Variants in CDC14A observed in about 807,000 individuals in gnomAD.
The protein encoded by CDC14A is dual specificity protein phosphatase CDC14A.
Under a neutral mutation model 74.4 loss-of-function variants are expected in CDC14A, and 53 were observed. The ratio of observed to expected loss-of-function variants is 0.71; its 90% CI spans 0.57 to 0.89. The LOEUF (loss-of-function observed/expected upper bound fraction) is 0.89, where lower values mean the gene tolerates loss of function less well. Ranked by LOEUF, CDC14A falls within the 40% of genes least tolerant of loss-of-function variation. The probability of loss-of-function intolerance (pLI) is 0.00; values close to 1 mark genes in which losing one functional copy is unlikely to be tolerated. For synonymous variants in CDC14A, 247 were observed against 258.4 expected, an observed-to-expected ratio of 0.96 and a Z score of 0.43; for missense variants, 646 against 713.7, an observed-to-expected ratio of 0.91 and a Z score of 1.08.
At chr1:100,456,084 A>G (rs1038916406) in intron 8 of CDC14A, among the ~76,000 whole-genome samples, 2 of 152,230 alleles carry the variant, frequency 1.3e-5, no homozygotes, top group African/African-American at 4.8e-5. Flanking sequence ...ACTCCAAACC[A>G]GAGGAGGGCT....
At chr1:100,387,265 G>A (rs956511929) in intron 3 of CDC14A, among the ~76,000 whole-genome samples, 34 of 152,116 alleles carry the variant, frequency 2.2e-4, no homozygotes, top group African/African-American at 8.0e-4. Context: ...TAGGAAATTA[G>A]GACAAGGTCT....
intron 4 of CDC14A, among the ~76,000 whole-genome samples, chr1:100,398,191 C>T (rs976110008): frequency 3.3e-5 from 5 of 152,112 alleles, no homozygotes; most frequent in African/African-American, 7.2e-5. Flanking sequence ...CAGTGTCTGA[C>T]GTTGTATGCA....
At chr1:100,516,695 G>A (rs558783959) in intron 15 of CDC14A, among the ~76,000 whole-genome samples, 10 of 152,164 alleles carry the variant, frequency 6.6e-5, no homozygotes, top group African/African-American at 2.4e-4. Flanking sequence ...CTCTAATTGC[G>A]AGTGTGGTAG....
At chr1:100,388,550 A>AG (rs1246352065) in intron 3 of CDC14A, among the ~76,000 whole-genome samples, 2 of 152,196 alleles carry the variant, frequency 1.3e-5, no homozygotes, top group East Asian at 3.8e-4. Flanking sequence ...TCAGGAAATA[A>AG]GGGCATTGGC....
At chr1:100,456,126 G>T (rs1203099870) in intron 8 of CDC14A, among the ~76,000 whole-genome samples, 1 of 152,168 alleles carries the variant, frequency 6.6e-6, no homozygotes, top group African/African-American at 2.4e-5. Context: ...GATACACTTA[G>T]TTCCATTGTG....
chr1:100,405,648 T>C (rs1479459201), intron 4 of CDC14A, among the ~76,000 whole-genome samples: 1 of 152,248 alleles, frequency 6.6e-6, no homozygotes, highest in African/African-American at 2.4e-5. Flanking sequence ...TTTGCTCCTG[T>C]GTTACTTTGC....
chr1:100,403,070 A>T (rs946274003), intron 4 of CDC14A, among the ~76,000 whole-genome samples: 2 of 152,140 alleles, frequency 1.3e-5, no homozygotes, highest in East Asian at 3.9e-4. Flanking sequence ...GCAAGGAGTG[A>T]TAGGGGGATA....
In CDC14A at chr1:100,484,351, C is replaced by A; in HGVS notation, c.1037C>A (p.Pro346Gln). 2 of 1,604,736 alleles carry A rather than the reference C, an allele frequency of 1.2e-6. No individual in the cohort carries two copies. The highest frequency in any genetic ancestry group is 1.7e-6 in the Non-Finnish European group (2 of 1,175,596). The change falls in exon 11 of 16, where the codon CCA becomes CAA. Residue 346 changes from proline (P) to glutamine (Q), a missense_variant. Pro to Gln is a moderately conservative substitution (Grantham distance 76, BLOSUM62 -1). Transcript: ENST00000336454. ...TTCCGATCCAAACTGAAAAATCGAC[C>A]ATCCAGTGAAGGAAGTATTAATAAA... ...DIFRSKLKNR[P>Q]SSEGSINKIL...
At chr1:100,372,413 A>G (rs1654607049) in intron 2 of CDC14A, among the ~76,000 whole-genome samples, 4 of 152,248 alleles carry the variant, frequency 2.6e-5, no homozygotes, top group Admixed American at 2.6e-4. Flanking sequence ...TAATCCTCTC[A>G]AACCCTGGGG....
At chr1:100,497,878 G>T (rs947272520) in intron 13 of CDC14A, among the ~76,000 whole-genome samples, 8 of 152,054 alleles carry the variant, frequency 5.3e-5, no homozygotes, top group African/African-American at 1.9e-4. Flanking sequence ...TTGTTGTAAG[G>T]ACAAGCTGAG....
chr1:100,489,974 C>T (rs1670454990), intron 11 of CDC14A, among the ~76,000 whole-genome samples: 1 of 152,174 alleles, frequency 6.6e-6, no homozygotes, highest in Non-Finnish European at 1.5e-5. Context: ...CCTCATTTGT[C>T]ATTTGTGAAT....
chr1:100,488,719 G>A (rs1209683250), intron 11 of CDC14A, among the ~76,000 whole-genome samples: 2 of 152,218 alleles, frequency 1.3e-5, no homozygotes. Flanking sequence ...CAAGAATGTA[G>A]TGTTTTAATT....
chr1:100,453,324 T>C (rs1176141479), intron 7 of CDC14A, among the ~76,000 whole-genome samples: 1 of 152,198 alleles, frequency 6.6e-6, no homozygotes, highest in Non-Finnish European at 1.5e-5. Context: ...CTAACCTACT[T>C]GGTGGTCAAG....
chr1:100,459,126 C>CAGAGAG (rs112078644), intron 8 of CDC14A, among the ~76,000 whole-genome samples: 76 of 144,686 alleles, frequency 5.3e-4, no homozygotes, highest in African/African-American at 1.9e-3. Flanking sequence ...CACACACACA[C>CAGAGAG]AGAGAGAGAG....
chr1:100,360,322 A>G (rs952638911), intron 2 of CDC14A, among the ~76,000 whole-genome samples: 2 of 149,898 alleles, frequency 1.3e-5, no homozygotes, highest in African/African-American at 2.4e-5. Context: ...GGAAGTAGAT[A>G]TATCTGTGTA....
At chr1:100,466,480 A>T (rs1298891781) in intron 9 of CDC14A, among the ~76,000 whole-genome samples, 2 of 152,204 alleles carry the variant, frequency 1.3e-5, no homozygotes, top group African/African-American at 4.8e-5. Context: ...TCTTCGAAAG[A>T]ACATTGATGT....
intron 2 of CDC14A, among the ~76,000 whole-genome samples, chr1:100,357,253 G>T (rs758713179): frequency 6.6e-6 from 1 of 152,188 alleles, no homozygotes; most frequent in African/African-American, 2.4e-5. Flanking sequence ...TGCGATTTCT[G>T]GGAAGATAGA....
intron 4 of CDC14A, among the ~76,000 whole-genome samples, chr1:100,416,799 C>CGGGAA (rs1661586890): frequency 6.6e-6 from 1 of 152,074 alleles, no homozygotes; most frequent in Admixed American, 6.5e-5. Flanking sequence ...TTATTCTTCC[C>CGGGAA]GACAAACAAC....
At chr1:100,347,031 G>A (rs1398956643) in intron 1 of CDC14A, among the ~76,000 whole-genome samples, 1 of 152,084 alleles carries the variant, frequency 6.6e-6, no homozygotes, top group Non-Finnish European at 1.5e-5. Flanking sequence ...TGTTTCATTC[G>A]GAGATTATTT....
Sources: allele counts gnomAD v4.1 joint callset (sites outside exome capture counted in the v4.1 genomes callset), GRCh38; gene constraint gnomAD v4.1.1; transcripts MANE v1.5; gene names NCBI Gene and HGNC (gene_info 2026-07-23, HGNC 2026-07-21).